ADCK1: variants seen among roughly 807,000 people sequenced by gnomAD.
The protein encoded by ADCK1 is aarF domain containing kinase 1.
A neutral mutation model predicts 52.3 loss-of-function variants in ADCK1; 41 were observed. That is an observed-to-expected ratio of 0.78 (90% CI 0.61 to 1.02). ADCK1 has a LOEUF of 1.02. Ranked by LOEUF, ADCK1 falls within the 50% of genes least tolerant of loss-of-function variation. The probability of loss-of-function intolerance (pLI) is 0.00; values close to 1 mark genes in which losing one functional copy is unlikely to be tolerated. For synonymous variants in ADCK1, 250 were observed against 274.6 expected, an observed-to-expected ratio of 0.91 and a Z score of 0.89; for missense variants, 658 against 679.5, an observed-to-expected ratio of 0.97 and a Z score of 0.35.
At chr14:77,804,850 A>T (rs2081185359) in intron 1 of ADCK1, among the ~76,000 whole-genome samples, 1 of 152,114 alleles carries the variant, frequency 6.6e-6, no homozygotes. Context: ...TACTTTATAC[A>T]TCCTCTGTGT....
At chr14:77,886,349 G>A (rs1595018057) in intron 4 of ADCK1, among the ~76,000 whole-genome samples, 1 of 152,284 alleles carries the variant, frequency 6.6e-6, no homozygotes, top group South Asian at 2.1e-4. Context: ...TCTGATCCCT[G>A]AGATACTGGG....
intron 5 of ADCK1, among the ~76,000 whole-genome samples, chr14:77,890,974 G>T (rs1291271838): frequency 6.6e-6 from 1 of 152,188 alleles, no homozygotes; most frequent in Non-Finnish European, 1.5e-5. Context: ...AAGCGACTGG[G>T]AATGAAGAAC....
intron 4 of ADCK1, among the ~76,000 whole-genome samples, chr14:77,880,329 G>C (rs531805096): frequency 5.9e-5 from 9 of 152,328 alleles, no homozygotes; most frequent in African/African-American, 2.2e-4. Context: ...TAATTTCTGG[G>C]ATTGGCCCTT....
Position 77,899,160 on chromosome 14 carries a change from G to A in ADCK1, c.643G>A (p.Glu215Lys). Residue 215 changes from glutamate to lysine, a missense_variant, in exon 6 of 11, where the codon GAA becomes AAA. Glu to Lys is a moderately conservative substitution (Grantham distance 56). Coordinates refer to ENST00000238561, the MANE Select transcript of ADCK1 (RefSeq NM_020421.4). ...PEFEFMWLVD[E>K]AKKNLPLELD... ...GTTTGAGTTTATGTGGCTTGTGGAT[G>A]AAGCCAAGAAGAACCTGCCTTTGGA... The A allele has an allele frequency of 6.2e-7, 1 of 1,614,190 alleles. No homozygotes were observed. Among genetic ancestry groups the A allele is most frequent in the African/African-American group, 1.3e-5 (1 of 75,062 alleles).
chr14:77,858,769 A>G (rs1179165843), intron 3 of ADCK1, among the ~76,000 whole-genome samples: 2 of 152,152 alleles, frequency 1.3e-5, no homozygotes, highest in Admixed American at 1.3e-4. Context: ...CTTGGTTAAA[A>G]GCCTTGAATG....
chr14:77,931,588 G>T lies in ADCK1; in HGVS notation c.1277G>T (p.Arg426Leu). 1 of 1,613,874 alleles carries T rather than the reference G, an allele frequency of 6.2e-7. No homozygotes were observed. The highest frequency in any genetic ancestry group is 8.5e-7 in the Non-Finnish European group (1 of 1,180,032). ...AGCCATCTCCTCAACCACGTGCCGC[G>T]CCAGATGCTGCTCATCTTGAAGACC... ...QISHLLNHVP[R>L]QMLLILKTND... Residue 426 changes from arginine to leucine, a missense_variant, in exon 10 of 11, where the codon CGC becomes CTC. Transcript: ENST00000238561.
intron 1 of ADCK1, among the ~76,000 whole-genome samples, chr14:77,817,948 C>T (rs960098632): frequency 1.3e-5 from 2 of 151,734 alleles, no homozygotes; most frequent in African/African-American, 2.4e-5. Context: ...TCGTGTTAGC[C>T]AGGATGGTCT....
At position 77,918,259 on chromosome 14, in the gene ADCK1, T is replaced by C. The variant is rs568502025; in HGVS notation, c.859-6198T>C. 5.3e-5 allele frequency among the ~76,000 whole-genome samples: 8 copies of C among 152,344 alleles called. No individual in the cohort carries two copies. In the South Asian group the frequency reaches 1.4e-3, roughly 28 times the overall value. On this transcript the variant is annotated intron_variant, in intron 7 of 10. Transcript: ENST00000238561. ...ACAAGACAGTTCAGTGGCAGCAGGC[T>C]GGACAGGAAAACCACCACCACTTGT...
intron 3 of ADCK1, among the ~76,000 whole-genome samples, chr14:77,844,579 A>C (rs1244530873): frequency 6.6e-6 from 1 of 152,190 alleles, no homozygotes; most frequent in Non-Finnish European, 1.5e-5. Context: ...CACCAAGAGC[A>C]GACTCGGTCT....
At chr14:77,884,690 G>A (rs2083109071) in intron 4 of ADCK1, among the ~76,000 whole-genome samples, 1 of 152,176 alleles carries the variant, frequency 6.6e-6, no homozygotes, top group African/African-American at 2.4e-5. Flanking sequence ...TTTCTTCTTT[G>A]TTGCTACTAT....
intron 1 of ADCK1, among the ~76,000 whole-genome samples, chr14:77,818,716 T>C (rs900466662): frequency 2.0e-5 from 3 of 152,170 alleles, no homozygotes; most frequent in African/African-American, 4.8e-5. Flanking sequence ...CCTGGCACTG[T>C]TGAAGGAAGG....
intron 4 of ADCK1, among the ~76,000 whole-genome samples, chr14:77,873,182 G>A (rs1249209876): frequency 6.6e-6 from 1 of 152,200 alleles, no homozygotes; most frequent in Non-Finnish European, 1.5e-5. Flanking sequence ...CCACTTGGCA[G>A]CAGAGGGAGC....
intron 5 of ADCK1, among the ~76,000 whole-genome samples, chr14:77,890,002 G>A (rs1331899714): frequency 6.6e-6 from 1 of 152,156 alleles, no homozygotes; most frequent in African/African-American, 2.4e-5. Context: ...AGAAAGCATG[G>A]TCAGAGAGAT....
intron 7 of ADCK1, among the ~76,000 whole-genome samples, chr14:77,915,715 T>C (rs1254707377): frequency 2.6e-5 from 4 of 152,004 alleles, no homozygotes; most frequent in African/African-American, 7.2e-5. Context: ...TCCAGGTGTA[T>C]GAGATGAGTT....
intron 7 of ADCK1, among the ~76,000 whole-genome samples, chr14:77,919,920 T>C (rs193002832): frequency 1.5e-4 from 23 of 152,322 alleles, no homozygotes; most frequent in Admixed American, 6.5e-4. Context: ...AGCCCACTTT[T>C]TGATGGGATT....
chr14:77,929,698 G>A (rs1268768521), intron 9 of ADCK1, among the ~76,000 whole-genome samples: 2 of 151,696 alleles, frequency 1.3e-5, no homozygotes, highest in African/African-American at 4.8e-5. Flanking sequence ...ACAGAGTCTC[G>A]CTCTGTTGTC....
At chr14:77,814,800 A>G (rs2081409503) in intron 1 of ADCK1, among the ~76,000 whole-genome samples, 1 of 151,624 alleles carries the variant, frequency 6.6e-6, no homozygotes, top group Non-Finnish European at 1.5e-5. Flanking sequence ...ACATTCTTGA[A>G]TCTTACCCCT....
chr14:77,890,191 A>G (rs2083254911), intron 5 of ADCK1, among the ~76,000 whole-genome samples: 1 of 152,036 alleles, frequency 6.6e-6, no homozygotes, highest in African/African-American at 2.4e-5. Context: ...TGGTAGAGAA[A>G]CTCATCTGTT....
chr14:77,857,640 C>A (rs763130223), intron 3 of ADCK1, among the ~76,000 whole-genome samples: 2 of 152,210 alleles, frequency 1.3e-5, no homozygotes, highest in Non-Finnish European at 1.5e-5. Context: ...AAAAAAACTT[C>A]TTAATTTCTA....
Sources: allele counts gnomAD v4.1 joint callset (sites outside exome capture counted in the v4.1 genomes callset), GRCh38; gene constraint gnomAD v4.1.1; transcripts MANE v1.5; gene names NCBI Gene and HGNC (gene_info 2026-07-23, HGNC 2026-07-21).